Variants in GLIS1 observed in about 807,000 individuals in gnomAD.
GLIS1 encodes the protein GLIS family zinc finger 1.
GLIS1 carries 24 observed loss-of-function variants against 63.8 expected under a neutral mutation model. The ratio of observed to expected loss-of-function variants is 0.38; its 90% CI spans 0.27 to 0.53. GLIS1 has a LOEUF of 0.53. Ranked by LOEUF, GLIS1 falls within the 20% of genes least tolerant of loss-of-function variation. The pLI is 0.85. For missense variants in GLIS1, 1,036 were observed against 1,074.1 expected (o/e 0.96, Z 0.50); for synonymous variants, 450 against 482.5 (o/e 0.93, Z 0.88).
At chr1:53,604,815 TA>T (rs1645352638) in intron 2 of GLIS1, among the ~76,000 whole-genome samples, 1 of 151,906 alleles carries the variant, frequency 6.6e-6, no homozygotes, top group African/African-American at 2.4e-5. Context: ...GCTTTTTCTG[TA>T]AAGGGCAAAA....
rs1339008605 is a variant in GLIS1, at chr1:53,574,052, T to A, written c.1320+20056A>T. 6.6e-6 allele frequency among the ~76,000 whole-genome samples: 1 copy of A among 152,160 alleles called. No individual in the cohort carries two copies. The highest frequency in any genetic ancestry group is 1.5e-5 in the Non-Finnish European group (1 of 68,028). Reference sequence around the variant, plus strand: ...CAAAGATAGACCAACTGCTGCTCCATCCTGCAGCCGGCTCCAGGCACTCAG... The same window carrying A: ...CAAAGATAGACCAACTGCTGCTCCAACCTGCAGCCGGCTCCAGGCACTCAG... On this transcript the variant is annotated intron_variant, in intron 4 of 10. Coordinates refer to ENST00000628545, the MANE Select transcript of GLIS1 (RefSeq NM_001367484.1). This position sits in a 1 kb window ranked among gnomAD's most constrained non-coding sequence, Gnocchi z 4.2.
At chr1:53,660,387 G>C (rs186812517) in intron 2 of GLIS1, among the ~76,000 whole-genome samples, 136 of 152,330 alleles carry the variant, frequency 8.9e-4, no homozygotes, top group African/African-American at 3.2e-3. Context: ...ATCAGGCCCT[G>C]AATGTCAGAG....
At chr1:53,690,612 C>A (rs751217375) in intron 2 of GLIS1, among the ~76,000 whole-genome samples, 3 of 152,184 alleles carry the variant, frequency 2.0e-5, no homozygotes, top group African/African-American at 7.2e-5. Flanking sequence ...ATGCCAGGGC[C>A]GTCTCTCTTT....
chr1:53,610,522 TC>T (rs1285811437), intron 2 of GLIS1, among the ~76,000 whole-genome samples: 9 of 152,260 alleles, frequency 5.9e-5, no homozygotes, highest in African/African-American at 1.4e-4. Context: ...TTTCATAATT[TC>T]TATTGGAAAG....
At chr1:53,537,971 G>C (rs144426033) in intron 4 of GLIS1, among the ~76,000 whole-genome samples, 1 of 152,368 alleles carries the variant, frequency 6.6e-6, no homozygotes, top group African/African-American at 2.4e-5. Flanking sequence ...TGCAATGCCA[G>C]CTCCTTCTCC....
chr1:53,593,992 A>G, intron 4 of GLIS1, 116 bp downstream of exon 4: 1 of 1,232,190 alleles, frequency 8.1e-7, no homozygotes, highest in East Asian at 2.6e-5. Context: ...CCTCAACCAC[A>G]GGGATCTCAG....
Position 53,550,429 on chromosome 1 carries a change from G to A in GLIS1, c.1321-20477C>T, listed in dbSNP as rs61770267. Among the ~76,000 whole-genome samples, 1,236 of 152,340 alleles carry A rather than the reference G, an allele frequency of 8.1e-3. 10 individuals are homozygous for A. Among genetic ancestry groups the A allele is most frequent in the Non-Finnish European group, 0.013 (918 of 68,034 alleles). ...CTGGGAGGGTTAGACATGACAGTGC[G>A]TAGAGCGAACACACACTCACACTGA... On this transcript the variant is annotated intron_variant, in intron 4 of 10. Transcript: ENST00000628545.
At chr1:53,719,628 T>C (rs1646733342) in intron 2 of GLIS1, among the ~76,000 whole-genome samples, 2 of 151,640 alleles carry the variant, frequency 1.3e-5, no homozygotes, top group Non-Finnish European at 2.9e-5. Context: ...CCCAAAGAAT[T>C]GTGATGCAAC....
chr1:53,665,938 T>C (rs1188027582), intron 2 of GLIS1, among the ~76,000 whole-genome samples: 3 of 152,250 alleles, frequency 2.0e-5, no homozygotes, highest in Admixed American at 1.3e-4. Context: ...GTGGAGTAGA[T>C]TTAAAGGAGA....
At chr1:53,521,825 A>C (rs1401552823) in intron 6 of GLIS1, among the ~76,000 whole-genome samples, 1 of 152,250 alleles carries the variant, frequency 6.6e-6, no homozygotes, top group Non-Finnish European at 1.5e-5. Context: ...TGAGGCCTTC[A>C]GGACACTGGA....
chr1:53,721,132 T>C (rs1646749920), intron 2 of GLIS1, among the ~76,000 whole-genome samples: 1 of 151,930 alleles, frequency 6.6e-6, no homozygotes, highest in African/African-American at 2.4e-5. Flanking sequence ...ATAAAAATCA[T>C]GTATTGAATG....
intron 2 of GLIS1, among the ~76,000 whole-genome samples, chr1:53,601,320 GA>G (rs757168023): frequency 6.6e-6 from 1 of 152,162 alleles, no homozygotes; most frequent in Non-Finnish European, 1.5e-5. Flanking sequence ...AAACCTAGTG[GA>G]TGCACCAAGA....
chr1:53,716,804 G>A (rs1646702696), intron 2 of GLIS1, among the ~76,000 whole-genome samples: 1 of 152,018 alleles, frequency 6.6e-6, no homozygotes, highest in Admixed American at 6.6e-5. Flanking sequence ...ACCGGCAGTA[G>A]AGAAATTATA....
At chr1:53,643,003 C>T (rs925613540) in intron 2 of GLIS1, among the ~76,000 whole-genome samples, 1 of 152,196 alleles carries the variant, frequency 6.6e-6, no homozygotes, top group African/African-American at 2.4e-5. Context: ...TGTCAAACCA[C>T]CACAGGGCTG....
At chr1:53,693,607 C>T (rs926050884) in intron 2 of GLIS1, among the ~76,000 whole-genome samples, 4 of 152,230 alleles carry the variant, frequency 2.6e-5, no homozygotes, top group Non-Finnish European at 5.9e-5. Flanking sequence ...CCCTCAGCAG[C>T]ATGAGCTCAG....
chr1:53,671,578 C>T (rs1181623065), intron 2 of GLIS1, among the ~76,000 whole-genome samples: 1 of 152,148 alleles, frequency 6.6e-6, no homozygotes, highest in East Asian at 1.9e-4. Flanking sequence ...ACAGATTTCA[C>T]TAAATATAAG....
chr1:53,649,847 G>A (rs1045667310), intron 2 of GLIS1, among the ~76,000 whole-genome samples: 6 of 152,126 alleles, frequency 3.9e-5, no homozygotes, highest in Admixed American at 2.6e-4. Context: ...TGTGTTAATC[G>A]ACTGTTTATG....
At position 53,737,984 on chromosome 1, in the gene GLIS1, GGGGC is replaced by G; in HGVS notation, c.77_80del (p.Gly26AlafsTer14). 3 of 1,230,410 alleles carry G rather than the reference GGGGC, an allele frequency of 2.4e-6. No homozygotes were observed. Among genetic ancestry groups the G allele is most frequent in the Non-Finnish European group, 3.0e-6 (3 of 987,066 alleles). The allele number at this position is 1,230,410 out of a possible 1,614,324, so 76.2% of individuals were successfully genotyped here. On this transcript the variant is annotated frameshift_variant, in exon 2 of 11. Coordinates refer to ENST00000628545, the MANE Select transcript of GLIS1 (RefSeq NM_001367484.1). LOFTEE classifies it high-confidence loss of function. ...AGGCCATGTGCGCGCCGAGGCTGGCGGGGCCGCGGTCGGGGCCGGGCGCACCAGG... is the reference window on the plus strand; with the variant it reads ...AGGCCATGTGCGCGCCGAGGCTGGCGCGCGGTCGGGGCCGGGCGCACCAGG...
At chr1:53,581,330 G>A (rs1645082525) in intron 4 of GLIS1, among the ~76,000 whole-genome samples, 1 of 152,174 alleles carries the variant, frequency 6.6e-6, no homozygotes, top group Admixed American at 6.5e-5. Flanking sequence ...CCTGTGAGCT[G>A]CTGCAAAACC....
Sources: allele counts gnomAD v4.1 joint callset (sites outside exome capture counted in the v4.1 genomes callset), GRCh38; gene constraint gnomAD v4.1.1; non-coding constraint Gnocchi (gnomAD v3.1); transcripts MANE v1.5; gene names NCBI Gene and HGNC (gene_info 2026-07-23, HGNC 2026-07-21).